The following GAB2 variants were observed in gnomAD, a reference collection of about 807,000 sequenced individuals.
GAB2 encodes GRB2 associated binding protein 2.
A neutral mutation model predicts 65.5 loss-of-function variants in GAB2; 26 were observed. The ratio of observed to expected loss-of-function variants is 0.40; its 90% confidence interval spans 0.29 to 0.55. The LOEUF is 0.55. GAB2 is among the 20% of genes least tolerant of loss of function. The pLI, the probability that GAB2 is intolerant of heterozygous loss-of-function variation, is 0.53. For missense variants in GAB2, 884 were observed against 875.8 expected, an observed-to-expected ratio of 1.01 and a Z score of -0.12; for synonymous variants, 321 against 329.6, an observed-to-expected ratio of 0.97 and a Z score of 0.28.
In GAB2 at chr11:78,344,659, T is replaced by A. The variant is rs536099240; in HGVS notation, c.76-63758A>T. 1.0e-3 allele frequency among the ~76,000 whole-genome samples: 156 copies of A among 152,338 alleles called. 1 individual carries two copies. The highest frequency in any genetic ancestry group is 3.5e-3 in the African/African-American group (147 of 41,578). On this transcript the variant is annotated intron_variant, in intron 1 of 9. Transcript: ENST00000361507. The stretch of plus-strand genomic sequence containing the variant: ...CACAAACAAAACCTAAGATATTTCA[T>A]AGATCTAACTGTAAATGTTATTCAT...
At chr11:78,414,823 CTAAGA>C (rs772103857) in intron 1 of GAB2, among the ~76,000 whole-genome samples, 2 of 152,172 alleles carry the variant, frequency 1.3e-5, no homozygotes, top group Non-Finnish European at 2.9e-5. Context: ...TTTGCTTCTT[CTAAGA>C]TGTTTTTCCC....
At chr11:78,258,951 T>TAC (rs1480751573) in intron 2 of GAB2, among the ~76,000 whole-genome samples, 1 of 152,162 alleles carries the variant, frequency 6.6e-6, no homozygotes, top group African/African-American at 2.4e-5. Context: ...GGGTTTGATG[T>TAC]ACAGATTATT....
At chr11:78,259,439 A>T (rs1865678530) in intron 2 of GAB2, among the ~76,000 whole-genome samples, 1 of 152,194 alleles carries the variant, frequency 6.6e-6, no homozygotes, top group South Asian at 2.1e-4. Flanking sequence ...CCCTGTAGAA[A>T]GCTCACTGAA....
intron 1 of GAB2, chr11:78,392,062 C>A (rs1036593563): frequency 3.9e-5 from 6 of 152,018 alleles, no homozygotes; most frequent in Non-Finnish European, 8.8e-5. Context: ...CATGGTGAAA[C>A]CCTGTCTCTA....
At chr11:78,294,298 C>T (rs1435647739) in intron 1 of GAB2, among the ~76,000 whole-genome samples, 1 of 152,188 alleles carries the variant, frequency 6.6e-6, no homozygotes, top group African/African-American at 2.4e-5. Context: ...GCCACATTTT[C>T]TTAATCCAGT....
At chr11:78,225,597 A>T (rs1864613941) in intron 4 of GAB2, among the ~76,000 whole-genome samples, 1 of 152,254 alleles carries the variant, frequency 6.6e-6, no homozygotes, top group Non-Finnish European at 1.5e-5. Context: ...GGGCAGGAAC[A>T]TGTTTTATGT....
chr11:78,253,444 A>G (rs1052470295), intron 2 of GAB2, among the ~76,000 whole-genome samples: 11 of 152,208 alleles, frequency 7.2e-5, no homozygotes, highest in Non-Finnish European at 1.5e-4. Context: ...GGCATGCACC[A>G]CCACGCCAGG....
chr11:78,409,218 G>A (rs1857093552), intron 1 of GAB2, among the ~76,000 whole-genome samples: 1 of 152,096 alleles, frequency 6.6e-6, no homozygotes, highest in Non-Finnish European at 1.5e-5. Flanking sequence ...AATTACCAGA[G>A]ACTCAGCAGG....
At chr11:78,399,647 A>G (rs1230976194) in intron 1 of GAB2, among the ~76,000 whole-genome samples, 2 of 152,192 alleles carry the variant, frequency 1.3e-5, no homozygotes, top group East Asian at 3.8e-4. Flanking sequence ...ATGTTCTGAC[A>G]TTGTACATTC....
In GAB2 at chr11:78,215,451, TAAA is replaced by T. The variant is rs564742801; in HGVS notation, c.*3818_*3820del. ...CCCACCGGATAAATATGTTACAATT[TAAA>T]AAAAAGAATACAACAGAATAAATTA... On this transcript the variant is annotated 3_prime_UTR_variant, in exon 10 of 10. Coordinates refer to ENST00000361507, the MANE Select transcript of GAB2 (RefSeq NM_080491.3). The T allele has an allele frequency of 2.2e-4, 33 of 152,434 alleles. No homozygotes were observed. The highest frequency in any genetic ancestry group is 1.9e-4 in the East Asian group (1 of 5,186). The allele number at this position is 152,434 out of a possible 1,614,324, so 9.4% of individuals were successfully genotyped here.
chr11:78,297,645 C>T (rs895184753), intron 1 of GAB2, among the ~76,000 whole-genome samples: 6 of 151,840 alleles, frequency 4.0e-5, no homozygotes, highest in Non-Finnish European at 8.8e-5. Flanking sequence ...GGCTGGAACA[C>T]AGTAAACAAA....
At chr11:78,407,448 T>C (rs765886002) in intron 1 of GAB2, among the ~76,000 whole-genome samples, 3 of 151,822 alleles carry the variant, frequency 2.0e-5, no homozygotes, top group Non-Finnish European at 1.5e-5. Flanking sequence ...CTGGCCAACA[T>C]AGTGAAACCC....
At chr11:78,283,811 T>C (rs996785479) in intron 1 of GAB2, among the ~76,000 whole-genome samples, 1 of 151,994 alleles carries the variant, frequency 6.6e-6, no homozygotes, top group Non-Finnish European at 1.5e-5. Flanking sequence ...TCTTTTTCAG[T>C]CTCCAGTGCT....
At chr11:78,363,234 T>C (rs1007814987) in intron 1 of GAB2, among the ~76,000 whole-genome samples, 2 of 152,242 alleles carry the variant, frequency 1.3e-5, no homozygotes, top group Non-Finnish European at 2.9e-5. Context: ...ACACATGAGC[T>C]GCATAAGCAA....
At chr11:78,260,632 T>G (rs868519022) in intron 2 of GAB2, among the ~76,000 whole-genome samples, 1 of 152,032 alleles carries the variant, frequency 6.6e-6, no homozygotes, top group East Asian at 1.9e-4. Context: ...CTGCCACACC[T>G]AGCTAATTTT....
intron 1 of GAB2, among the ~76,000 whole-genome samples, chr11:78,414,023 G>T (rs1857161765): frequency 1.3e-5 from 2 of 150,150 alleles, no homozygotes; most frequent in Non-Finnish European, 1.5e-5. Flanking sequence ...AGGAGGCAAA[G>T]GTTGCAGTGA....
intron 1 of GAB2, among the ~76,000 whole-genome samples, chr11:78,367,000 T>C (rs1281286729): frequency 5.3e-5 from 8 of 152,014 alleles, no homozygotes; most frequent in Non-Finnish European, 1.0e-4. Context: ...ACAAGACAGG[T>C]CCCTGAACCC....
intron 1 of GAB2, among the ~76,000 whole-genome samples, chr11:78,324,273 G>A (rs571555169): frequency 1.2e-4 from 19 of 152,104 alleles, no homozygotes; most frequent in Non-Finnish European, 2.5e-4. Flanking sequence ...AGCTCCCTTC[G>A]GTATCATCCT....
chr11:78,310,379 G>C (rs1855472828), intron 1 of GAB2, among the ~76,000 whole-genome samples: 2 of 151,284 alleles, frequency 1.3e-5, no homozygotes, highest in South Asian at 2.1e-4. Flanking sequence ...CGGGCACGGT[G>C]GTGGGCGCCT....
Sources: gnomAD v4.1 joint callset for allele counts (sites outside exome capture counted in the v4.1 genomes callset) on GRCh38, gnomAD v4.1.1 for gene constraint, MANE v1.5 for transcripts, NCBI Gene and HGNC (gene_info 2026-07-23, HGNC 2026-07-21) for gene names.